Variants in GRPR observed in about 807,000 individuals in gnomAD.
GRPR encodes gastrin-releasing peptide receptor.
GRPR carries 4 observed loss-of-function variants against 15.6 expected under a neutral mutation model. That is an observed-to-expected ratio of 0.26 (90% CI 0.13 to 0.59). The LOEUF (loss-of-function observed/expected upper bound fraction) is 0.59, where lower values mean the gene tolerates loss of function less well. Among genes scored for constraint, GRPR ranks in the 20% least tolerant of loss-of-function variants. The probability of loss-of-function intolerance (pLI) is 0.90; values close to 1 mark genes in which losing one functional copy is unlikely to be tolerated. For synonymous variants in GRPR, 128 were observed against 126.8 expected, an observed-to-expected ratio of 1.01 and a Z score of -0.06; for missense variants, 270 against 304.1, an observed-to-expected ratio of 0.89 and a Z score of 0.83.
chrX:16,150,114 T>C (rs779023782), intron 1 of GRPR, among the ~76,000 whole-genome samples, 191 bp from the exon 2 acceptor site: 14 of 111,227 alleles, frequency 1.3e-4, no homozygotes, highest in Non-Finnish European at 2.1e-4. Context: ...AAGTGGCTAT[T>C]TGGAGTACAA....
chrX:16,131,320 T>C (rs1459299072), intron 1 of GRPR, among the ~76,000 whole-genome samples: 1 of 112,231 alleles, frequency 8.9e-6, no homozygotes, highest in Admixed American at 9.4e-5. Context: ...CCATTTCTTC[T>C]TTTTATCTCC....
At chrX:16,148,376 A>G (rs895272971) in intron 1 of GRPR, among the ~76,000 whole-genome samples, 2 of 111,592 alleles carry the variant, frequency 1.8e-5, no homozygotes, top group African/African-American at 6.5e-5. Flanking sequence ...CCTGAGCCCA[A>G]TGCACAAGCC....
intron 1 of GRPR, among the ~76,000 whole-genome samples, chrX:16,145,807 GAAGAAGA>G (rs958604540): frequency 2.9e-5 from 3 of 102,990 alleles, no homozygotes; most frequent in African/African-American, 1.3e-4. Flanking sequence ...CTTAAAAATG[GAAGAAGA>G]AAGAAAAGAC....
chrX:16,150,593 T>C lies in GRPR; in HGVS notation c.702T>C (p.Ala234=). The change falls in exon 2 of 3, where the codon GCT becomes GCC. Residue 234 remains alanine (A), a synonymous_variant. Transcript: ENST00000380289. The stretch of plus-strand genomic sequence containing the variant: ...TCTCTGTTTACTACTACTTCATTGC[T>C]AAAAATCTGATCCAGAGTGCTTACA... The part of the protein sequence containing the change: ...SIISVYYYFI[A]KNLIQSAYNL... 2.5e-6 allele frequency: 3 copies of C among 1,201,317 alleles called. No homozygotes were observed. The highest frequency in any genetic ancestry group is 3.4e-6 in the Non-Finnish European group (3 of 885,759).
chrX:16,152,196 G>A (rs969341499), intron 2 of GRPR, 60 bp from the exon 3 acceptor site: 2 of 955,092 alleles, frequency 2.1e-6, no homozygotes, highest in Non-Finnish European at 3.0e-6. Flanking sequence ...TTGTCTCTCT[G>A]CATTCTTCTG....
At chrX:16,127,127 GC>G (rs751480812) in intron 1 of GRPR, among the ~76,000 whole-genome samples, 7 of 110,716 alleles carry the variant, frequency 6.3e-5, no homozygotes, top group Non-Finnish European at 1.3e-4. Context: ...AGATTCCTAG[GC>G]CCTGTCCTAA....
chrX:16,152,329 A>G lies in GRPR; in HGVS notation c.839A>G (p.Asn280Ser), dbSNP rs192441848. Residue 280 changes from asparagine to serine, a missense_variant, in exon 3 of 3, where the codon AAT becomes AGT. By Grantham distance (46) the Asn-to-Ser change is conservative. Around this residue, in one of 3 missense-constraint regions of GRPR, gnomAD observed 133 missense variants for 123.4 expected, o/e 1.08. Transcript: ENST00000380289. The stretch of plus-strand genomic sequence containing the variant: ...CTGTTCGCCTTCTGCTGGCTCCCCA[A>G]TCATGTCATCTACCTGTACCGCTCC... The part of the protein sequence containing the change: ...VGLFAFCWLP[N>S]HVIYLYRSYH... The G allele has an allele frequency of 8.9e-5, 107 of 1,203,668 alleles. No homozygotes were observed. In the Admixed American group the frequency reaches 2.1e-3, roughly 23 times the overall value.
chrX:16,124,134 T>C lies in GRPR; in HGVS notation c.181T>C (p.Leu61=), dbSNP rs1922251346. 8.3e-7 allele frequency: 1 copy of C among 1,206,839 alleles called. No homozygotes were observed. Among genetic ancestry groups the C allele is most frequent in the East Asian group, 3.0e-5 (1 of 33,773 alleles). ...GATAGGCCTCATTGGCAACATCACT[T>C]TGATCAAGATCTTCTGTACAGTCAA... ...ILIGLIGNIT[L]IKIFCTVKSM... Residue 61 remains leucine (L), a synonymous_variant, in exon 1 of 3, where the codon TTG becomes CTG. Coordinates refer to ENST00000380289, the MANE Select transcript of GRPR (RefSeq NM_005314.3).
intron 1 of GRPR, among the ~76,000 whole-genome samples, chrX:16,140,410 G>A (rs1199687562): frequency 5.4e-5 from 6 of 111,691 alleles, no homozygotes; most frequent in African/African-American, 2.0e-4. Context: ...TTCTATATAT[G>A]TGTTTGATAA....
intron 1 of GRPR, among the ~76,000 whole-genome samples, chrX:16,129,736 A>G (rs1269833834): frequency 9.0e-6 from 1 of 111,689 alleles, no homozygotes; most frequent in East Asian, 2.8e-4. Context: ...TAGGCATCCC[A>G]TTGATGAGGT....
intron 1 of GRPR, among the ~76,000 whole-genome samples, chrX:16,148,272 T>A (rs1922636751): frequency 9.0e-6 from 1 of 111,455 alleles, no homozygotes; most frequent in Non-Finnish European, 1.9e-5. Context: ...GTAACTCAGG[T>A]CTATAGCAAT....
intron 1 of GRPR, among the ~76,000 whole-genome samples, chrX:16,147,556 C>T (rs1163262360): frequency 8.9e-6 from 1 of 111,943 alleles, no homozygotes; most frequent in East Asian, 2.8e-4. Context: ...CATCATTTAG[C>T]AGGTTCTTCT....
chrX:16,124,351 C>A lies in GRPR; in HGVS notation c.398C>A (p.Ala133Glu), dbSNP rs368731320. 51 of 1,207,591 alleles carry A rather than the reference C, an allele frequency of 4.2e-5. No homozygotes were observed. The highest frequency in any genetic ancestry group is 5.7e-5 in the Non-Finnish European group (51 of 893,581). The stretch of plus-strand genomic sequence containing the variant: ...GGGGTGTCTGTCTTCACACTCACGG[C>A]GCTCTCGGCAGACAGGTAAGTACAG... The part of the protein sequence containing the change: ...SVGVSVFTLT[A>E]LSADRYKAIV... The change falls in exon 1 of 3, where the codon GCG (alanine) becomes GAG (glutamate). Residue 133 changes from alanine (A) to glutamate (E), a missense_variant. Physicochemically the swap from Ala to Glu is moderately radical, Grantham distance 107. Around this residue, in one of 3 missense-constraint regions of GRPR, gnomAD observed 115 missense variants for 128.8 expected, o/e 0.89. Transcript: ENST00000380289.
Position 16,152,288 on chromosome X carries a change from G to C in GRPR, c.798G>C (p.Val266=). 1.7e-6 allele frequency: 2 copies of C among 1,208,218 alleles called. No individual in the cohort carries two copies. Among genetic ancestry groups the C allele is most frequent in the Non-Finnish European group, 2.2e-6 (2 of 892,453 alleles). Residue 266 remains valine, a synonymous_variant, in exon 3 of 3, where the codon GTG becomes GTC. Transcript: ENST00000380289. ...IESRKRLAKT[V]LVFVGLFAFC... ...CCCGGAAGCGACTTGCCAAGACAGT[G>C]CTGGTGTTTGTGGGCCTGTTCGCCT...
rs1003797520 is a variant in GRPR at position 16,136,592 on chromosome X, T to C, written c.413+12226T>C. On this transcript the variant is annotated intron_variant, in intron 1 of 2. Coordinates refer to ENST00000380289, the MANE Select transcript of GRPR (RefSeq NM_005314.3). ...AATTAATAAGTCTAACAGACGGTGC[T>C]GTGTGAGATGGAAAATGAGCTTACC... Among the ~76,000 whole-genome samples the C allele has an allele frequency of 3.6e-5, 4 of 112,163 alleles. No homozygotes were observed. The Admixed American group carries it at 3.8e-4, about 11-fold the overall frequency.
In GRPR at chrX:16,150,602, G is replaced by A; in HGVS notation, c.711G>A (p.Leu237=). The part of the protein sequence containing the change: ...SVYYYFIAKN[L]IQSAYNLPVE... ...ACTACTACTTCATTGCTAAAAATCTGATCCAGAGTGCTTACAATCTTCCCG... is the reference window on the plus strand; with the variant it reads ...ACTACTACTTCATTGCTAAAAATCTAATCCAGAGTGCTTACAATCTTCCCG... The change falls in exon 2 of 3, where the codon CTG becomes CTA. Residue 237 remains leucine, a synonymous_variant. Coordinates refer to ENST00000380289, the MANE Select transcript of GRPR (RefSeq NM_005314.3). 1 of 1,197,850 alleles carries A rather than the reference G, an allele frequency of 8.3e-7. No individual in the cohort carries two copies. The highest frequency in any genetic ancestry group is 1.8e-5 in the South Asian group (1 of 56,689).
chrX:16,131,303 A>G (rs1311548690), intron 1 of GRPR, among the ~76,000 whole-genome samples: 11 of 111,970 alleles, frequency 9.8e-5, no homozygotes, highest in Non-Finnish European at 1.9e-4. Context: ...AAAGAAAAAA[A>G]AATTCTCCAT....
chrX:16,145,936 C>T (rs920316773), intron 1 of GRPR, among the ~76,000 whole-genome samples: 2 of 111,739 alleles, frequency 1.8e-5, no homozygotes, highest in African/African-American at 6.5e-5. Context: ...AGAATGGGAA[C>T]TATTAAGGCC....
Position 16,153,059 on chromosome X carries a change from G to A in GRPR, c.*414G>A, listed in dbSNP as rs1245765682. ...CACCTTGTCATTTCTTTAAGCAGACGCTAGTACTTTAGAAATATAACTTGA... is the reference window on the plus strand; with the variant it reads ...CACCTTGTCATTTCTTTAAGCAGACACTAGTACTTTAGAAATATAACTTGA... On this transcript the variant is annotated 3_prime_UTR_variant, in exon 3 of 3. Coordinates refer to ENST00000380289, the MANE Select transcript of GRPR (RefSeq NM_005314.3). 3.1e-5 allele frequency: 5 copies of A among 160,888 alleles called. No individual in the cohort carries two copies. Among genetic ancestry groups the A allele is most frequent in the South Asian group, 1.6e-4 (1 of 6,086 alleles). 13.3% of individuals were successfully genotyped at this position (160,888 alleles called of 1,213,427 possible). A position where few individuals can be genotyped will look rare whatever the true frequency, so the allele number is the denominator to read the frequency against.
Sources: allele counts gnomAD v4.1 joint callset (sites outside exome capture counted in the v4.1 genomes callset), GRCh38; gene constraint gnomAD v4.1.1; regional missense constraint gnomAD v4.1.1; transcripts MANE v1.5; gene names NCBI Gene and HGNC (gene_info 2026-07-23, HGNC 2026-07-21).